SLC24A3: variants seen among roughly 807,000 people sequenced by gnomAD.
The protein encoded by SLC24A3 is solute carrier family 24 member 3.
In SLC24A3, 28 loss-of-function variants were observed where a neutral mutation model predicts 75.8. That is an observed-to-expected ratio of 0.37 (90% CI 0.27 to 0.51). SLC24A3 has a LOEUF of 0.51. Ranked by LOEUF, SLC24A3 falls within the 20% of genes least tolerant of loss-of-function variation. The pLI is 0.94. For synonymous variants in SLC24A3, 372 were observed against 334.1 expected (o/e 1.11, Z -1.24); for missense variants, 663 against 847.8 (o/e 0.78, Z 2.71).
intron 2 of SLC24A3, among the ~76,000 whole-genome samples, chr20:19,362,299 C>G (rs1985804699): frequency 6.6e-6 from 1 of 152,168 alleles, no homozygotes; most frequent in Admixed American, 6.5e-5. Flanking sequence ...TTACATGTAT[C>G]ACCTCAGAGT....
chr20:19,558,001 GTGGA>G (rs1173720571), intron 3 of SLC24A3, among the ~76,000 whole-genome samples: 2 of 152,164 alleles, frequency 1.3e-5, no homozygotes, highest in African/African-American at 4.8e-5. Context: ...GGATGGATGG[GTGGA>G]TGGATGATGT....
At chr20:19,635,735 A>C (rs543056202) in intron 6 of SLC24A3, among the ~76,000 whole-genome samples, 1 of 152,248 alleles carries the variant, frequency 6.6e-6, no homozygotes, top group South Asian at 2.1e-4. Flanking sequence ...CACCTGGAGC[A>C]CCTTTGTATG....
chr20:19,307,166 C>T (rs1984352607), intron 2 of SLC24A3, among the ~76,000 whole-genome samples: 1 of 152,194 alleles, frequency 6.6e-6, no homozygotes, highest in Admixed American at 6.5e-5. Context: ...CATCCATCCT[C>T]TCATCTCAAA....
At chr20:19,437,980 C>T (rs1987235414) in intron 2 of SLC24A3, among the ~76,000 whole-genome samples, 1 of 152,202 alleles carries the variant, frequency 6.6e-6, no homozygotes, top group Admixed American at 6.5e-5. Flanking sequence ...GAACTCTGCA[C>T]ATGAGTCTAA....
intron 3 of SLC24A3, among the ~76,000 whole-genome samples, chr20:19,541,407 A>G (rs912467097): frequency 1.3e-5 from 2 of 152,330 alleles, no homozygotes; most frequent in Non-Finnish European, 2.9e-5. Flanking sequence ...GTCCAGGAGC[A>G]GCCTCCCTTT....
chr20:19,505,541 G>A (rs1283721965), intron 2 of SLC24A3, among the ~76,000 whole-genome samples: 3 of 152,126 alleles, frequency 2.0e-5, no homozygotes, highest in Admixed American at 6.5e-5. Context: ...TCCCAAATAT[G>A]GGAGCTGGGA....
chr20:19,351,837 T>C (rs1286653286), intron 2 of SLC24A3, among the ~76,000 whole-genome samples: 1 of 152,136 alleles, frequency 6.6e-6, no homozygotes, highest in Non-Finnish European at 1.5e-5. Flanking sequence ...TCTGGGATGC[T>C]TTCACACTCC....
chr20:19,540,612 C>T (rs554137166), intron 3 of SLC24A3, among the ~76,000 whole-genome samples: 2 of 152,308 alleles, frequency 1.3e-5, no homozygotes, highest in South Asian at 4.1e-4. Flanking sequence ...GAGGAGTAAA[C>T]ATCACACACG....
chr20:19,448,835 A>G (rs942661678), intron 2 of SLC24A3, among the ~76,000 whole-genome samples: 4 of 152,124 alleles, frequency 2.6e-5, no homozygotes, highest in Admixed American at 2.6e-4. Context: ...CCTGGCCCCT[A>G]CTCAACCCTC....
intron 6 of SLC24A3, among the ~76,000 whole-genome samples, chr20:19,587,125 G>A (rs1462793199): frequency 6.6e-6 from 1 of 152,126 alleles, no homozygotes; most frequent in East Asian, 1.9e-4. Flanking sequence ...GTCACCATCA[G>A]CAGTATGGTT....
chr20:19,572,375 C>T (rs1020867998), intron 3 of SLC24A3, among the ~76,000 whole-genome samples: 1 of 152,032 alleles, frequency 6.6e-6, no homozygotes, highest in African/African-American at 2.4e-5. Flanking sequence ...AAAAACAGGT[C>T]CATAACCAAG....
At chr20:19,523,555 C>T (rs2030142896) in intron 3 of SLC24A3, among the ~76,000 whole-genome samples, 1 of 152,196 alleles carries the variant, frequency 6.6e-6, no homozygotes, top group South Asian at 2.1e-4. Flanking sequence ...ATCATTCAGC[C>T]CCACAGGCCC....
intron 2 of SLC24A3, among the ~76,000 whole-genome samples, chr20:19,401,058 G>A (rs1986543321): frequency 6.6e-6 from 1 of 152,078 alleles, no homozygotes; most frequent in Non-Finnish European, 1.5e-5. Flanking sequence ...AACGTAAAGT[G>A]CTTAGAGCAT....
intron 15 of SLC24A3, among the ~76,000 whole-genome samples, chr20:19,709,764 T>C (rs2032970154): frequency 6.6e-6 from 1 of 152,182 alleles, no homozygotes; most frequent in Admixed American, 6.5e-5. Context: ...AGTCCAACTC[T>C]AAATGCAGAC....
intron 3 of SLC24A3, among the ~76,000 whole-genome samples, chr20:19,555,436 A>T (rs1483654957): frequency 6.6e-6 from 1 of 152,200 alleles, no homozygotes; most frequent in Non-Finnish European, 1.5e-5. Flanking sequence ...GAATGGCCAT[A>T]TTTCTTCTTC....
intron 2 of SLC24A3, among the ~76,000 whole-genome samples, chr20:19,292,887 G>A (rs1014180043): frequency 1.3e-5 from 2 of 152,182 alleles, no homozygotes; most frequent in African/African-American, 2.4e-5. Flanking sequence ...CATGGTTAGC[G>A]CCTTCTTACT....
intron 9 of SLC24A3, among the ~76,000 whole-genome samples, chr20:19,678,803 G>A (rs1600336071): frequency 6.7e-6 from 1 of 149,638 alleles, no homozygotes; most frequent in Admixed American, 6.6e-5. Flanking sequence ...GTTGCCGGGC[G>A]GAGGGTCTCC....
At chr20:19,514,309 A>T (rs1397782517) in intron 2 of SLC24A3, among the ~76,000 whole-genome samples, 2 of 152,180 alleles carry the variant, frequency 1.3e-5, no homozygotes, top group Non-Finnish European at 2.9e-5. Context: ...TCCTGGAGTC[A>T]TCTCCCAAGT....
At chr20:19,521,056 A>G (rs1479348123) in intron 3 of SLC24A3, among the ~76,000 whole-genome samples, 1 of 151,862 alleles carries the variant, frequency 6.6e-6, no homozygotes, top group Non-Finnish European at 1.5e-5. Flanking sequence ...TCCACTGTCT[A>G]TTTCTGGATT....
Sources: allele counts gnomAD v4.1 joint callset (sites outside exome capture counted in the v4.1 genomes callset), GRCh38; gene constraint gnomAD v4.1.1; transcripts MANE v1.5; gene names NCBI Gene and HGNC (gene_info 2026-07-23, HGNC 2026-07-21).